The following FHIT variants were observed in gnomAD, a reference collection of about 807,000 sequenced individuals.
FHIT encodes the protein fragile histidine triad diadenosine triphosphatase.
FHIT carries 19 observed loss-of-function variants against 17.9 expected under a neutral mutation model. The observed-to-expected ratio is 1.06, with a 90% CI of 0.74 to 1.56. The LOEUF is 1.56. FHIT is among the 40% of genes most tolerant of loss of function. The pLI is 0.00. For synonymous variants in FHIT, 81 were observed against 69.7 expected, an observed-to-expected ratio of 1.16 and a Z score of -0.81; for missense variants, 248 against 189.2, an observed-to-expected ratio of 1.31 and a Z score of -1.82.
chr3:61,020,022 C>T (rs554386742), intron 3 of FHIT, among the ~76,000 whole-genome samples: 1 of 152,174 alleles, frequency 6.6e-6, no homozygotes, highest in Admixed American at 6.5e-5. Flanking sequence ...CCTAGCCCCA[C>T]AAACCCTGAC....
chr3:60,803,908 A>G (rs1701290161), intron 4 of FHIT, among the ~76,000 whole-genome samples: 1 of 151,950 alleles, frequency 6.6e-6, no homozygotes, highest in African/African-American at 2.4e-5. Context: ...CATTTTAAAA[A>G]CTTGCTTTTA....
In FHIT at chr3:60,878,538, T is replaced by C. The variant is rs561938816; in HGVS notation, c.-110-56527A>G. On this transcript the variant is annotated intron_variant, in intron 3 of 9. Transcript: ENST00000492590. ...TAAGTTTTAGGGTACATGTGCACAA[T>C]GTGCAGGTTTATTACATATGTATAC... 7.3e-5 allele frequency among the ~76,000 whole-genome samples: 11 copies of C among 151,572 alleles called. No individual in the cohort carries two copies. In the East Asian group the frequency reaches 2.1e-3, roughly 29 times the overall value.
At chr3:60,004,173 C>T (rs1699833905) in intron 7 of FHIT, among the ~76,000 whole-genome samples, 1 of 152,134 alleles carries the variant, frequency 6.6e-6, no homozygotes, top group Non-Finnish European at 1.5e-5. Flanking sequence ...CTACAAAACA[C>T]TTGCCTTTCA....
chr3:60,492,378 T>A (rs2034103122), intron 5 of FHIT, among the ~76,000 whole-genome samples: 1 of 152,176 alleles, frequency 6.6e-6, no homozygotes. Context: ...TCCTTCAGAG[T>A]TAATTGAAAG....
At chr3:60,670,557 G>T (rs1186573139) in intron 4 of FHIT, among the ~76,000 whole-genome samples, 6 of 152,134 alleles carry the variant, frequency 3.9e-5, no homozygotes, top group African/African-American at 1.4e-4. Context: ...TTAATACACA[G>T]GGCCTTGCTG....
intron 3 of FHIT, among the ~76,000 whole-genome samples, chr3:60,914,911 T>C (rs929917878): frequency 6.6e-6 from 1 of 152,232 alleles, no homozygotes; most frequent in Non-Finnish European, 1.5e-5. Flanking sequence ...TAAGTAGCCT[T>C]GTAAATTTCA....
At chr3:61,172,337 A>AT (rs1471052240) in intron 2 of FHIT, among the ~76,000 whole-genome samples, 3 of 152,326 alleles carry the variant, frequency 2.0e-5, no homozygotes, top group Middle Eastern at 6.8e-3. Context: ...AAGGGGAAAA[A>AT]TGCAAGGGCA....
intron 5 of FHIT, among the ~76,000 whole-genome samples, chr3:60,525,405 G>A (rs185022727): frequency 3.9e-4 from 60 of 152,164 alleles, no homozygotes; most frequent in Admixed American, 1.8e-3. Context: ...GAATTGAAGG[G>A]ATCACACCCT....
intron 5 of FHIT, among the ~76,000 whole-genome samples, chr3:60,243,172 G>A (rs748967170): frequency 2.0e-5 from 3 of 151,898 alleles, no homozygotes; most frequent in African/African-American, 7.3e-5. Context: ...AGAAATACAG[G>A]GTTACCTCTA....
chr3:60,558,643 T>C (rs575277473), intron 4 of FHIT, among the ~76,000 whole-genome samples: 5 of 152,244 alleles, frequency 3.3e-5, no homozygotes, highest in African/African-American at 9.6e-5. Flanking sequence ...AGTTGCTTGG[T>C]AAGCTCACTG....
intron 7 of FHIT, among the ~76,000 whole-genome samples, chr3:59,988,333 T>G (rs879404735): frequency 1.3e-5 from 2 of 152,140 alleles, no homozygotes; most frequent in Non-Finnish European, 2.9e-5. Flanking sequence ...CTCTTTGATA[T>G]TTCTTTGTTT....
chr3:60,264,338 C>G (rs1706461626), intron 5 of FHIT, among the ~76,000 whole-genome samples: 1 of 151,944 alleles, frequency 6.6e-6, no homozygotes, highest in Non-Finnish European at 1.5e-5. Context: ...TAGCCATGCA[C>G]TCACTGATAA....
intron 7 of FHIT, among the ~76,000 whole-genome samples, chr3:59,936,895 G>T (rs1210902750): frequency 1.3e-5 from 2 of 152,136 alleles, no homozygotes; most frequent in Non-Finnish European, 2.9e-5. Flanking sequence ...CAGCCATGAA[G>T]GACAAGCTTG....
At chr3:60,854,755 T>C (rs1037387736) in intron 3 of FHIT, among the ~76,000 whole-genome samples, 1 of 152,102 alleles carries the variant, frequency 6.6e-6, no homozygotes, top group Non-Finnish European at 1.5e-5. Flanking sequence ...TCCACATACA[T>C]CTGCCCAGCC....
chr3:60,632,126 A>C (rs1462561809), intron 4 of FHIT, among the ~76,000 whole-genome samples: 3 of 151,982 alleles, frequency 2.0e-5, no homozygotes, highest in Non-Finnish European at 2.9e-5. Flanking sequence ...GCAACTACTA[A>C]GTTTCAAAAA....
chr3:60,338,681 T>C (rs1710364469), intron 5 of FHIT, among the ~76,000 whole-genome samples: 1 of 152,220 alleles, frequency 6.6e-6, no homozygotes, highest in African/African-American at 2.4e-5. Flanking sequence ...CACATGTGGT[T>C]TTCTGCATGG....
chr3:60,150,556 A>T (rs553316718), intron 5 of FHIT, among the ~76,000 whole-genome samples: 33 of 152,176 alleles, frequency 2.2e-4, no homozygotes, highest in Admixed American at 4.6e-4. Flanking sequence ...CTTTAGTCTC[A>T]GGTGATTCTC....
intron 4 of FHIT, among the ~76,000 whole-genome samples, chr3:60,760,333 T>A (rs1253943333): frequency 6.6e-6 from 1 of 152,194 alleles, no homozygotes; most frequent in Admixed American, 6.5e-5. Context: ...AGTGAGAGCA[T>A]GTGGAGGTTT....
chr3:60,588,519 T>A (rs963073014), intron 4 of FHIT, among the ~76,000 whole-genome samples: 2 of 151,838 alleles, frequency 1.3e-5, no homozygotes, highest in Non-Finnish European at 2.9e-5. Context: ...AGGAAGGGTA[T>A]AGAGATCATC....
Sources: gnomAD v4.1 joint callset for allele counts (sites outside exome capture counted in the v4.1 genomes callset) on GRCh38, gnomAD v4.1.1 for gene constraint, MANE v1.5 for transcripts, NCBI Gene and HGNC (gene_info 2026-07-23, HGNC 2026-07-21) for gene names.